The following GATA4 variants were observed in gnomAD, a reference collection of about 807,000 sequenced individuals.
GATA4 encodes GATA binding protein 4.
In GATA4, 7 loss-of-function variants were observed where a neutral mutation model predicts 37.9. That is an observed-to-expected ratio of 0.18 (90% CI 0.11 to 0.35). GATA4 has a LOEUF of 0.35. Among genes scored for constraint, GATA4 ranks in the 10% least tolerant of loss-of-function variants. The pLI is 1.00. For synonymous variants in GATA4, 372 were observed against 292.6 expected (o/e 1.27, Z -2.77); for missense variants, 647 against 653.0 (o/e 0.99, Z 0.10).
At chr8:11,745,714 G>A (rs911471742) in intron 2 of GATA4, among the ~76,000 whole-genome samples, 1 of 152,206 alleles carries the variant, frequency 6.6e-6, no homozygotes, top group Non-Finnish European at 1.5e-5. Flanking sequence ...CACATTATGA[G>A]ATGTTTTTCA....
chr8:11,681,534 G>A (rs1029518583), intron 1 of GATA4: 15 of 883,612 alleles, frequency 1.7e-5, no homozygotes, highest in Non-Finnish European at 1.9e-5. Flanking sequence ...CTCGGGAACG[G>A]CTGCTGTTGT....
At chr8:11,710,960 A>T (rs1235074646) in intron 2 of GATA4, among the ~76,000 whole-genome samples, 1 of 151,812 alleles carries the variant, frequency 6.6e-6, no homozygotes, top group Non-Finnish European at 1.5e-5. Context: ...AAAATACAAA[A>T]ATTAGCTGGG....
intron 1 of GATA4, chr8:11,681,532 C>G (rs947765102): frequency 1.1e-6 from 1 of 892,236 alleles, no homozygotes; most frequent in Middle Eastern, 5.8e-4. Context: ...CTCTCGGGAA[C>G]GGCTGCTGTT....
At position 11,708,919 on chromosome 8, in the gene GATA4, C is replaced by T; in HGVS notation, c.607C>T (p.Pro203Ser). The change falls in exon 2 of 7, where the codon CCC becomes TCC. Residue 203 changes from proline to serine, a missense_variant. Pro to Ser is a moderately conservative substitution (Grantham distance 74). Coordinates refer to ENST00000532059, the MANE Select transcript of GATA4 (RefSeq NM_001308093.3). This position sits in a 1 kb window ranked among gnomAD's most constrained non-coding sequence, Gnocchi z 6.7. ...CCGGGCCAACCCGGCCGCCCGACAC[C>T]CCAATCTCGGTGAGTAGGAGCGCGA... ...PGRANPAARH[P>S]NLVDMFDDFS... The T allele has an allele frequency of 1.3e-6, 2 of 1,527,560 alleles. No homozygotes were observed. Among genetic ancestry groups the T allele is most frequent in the Non-Finnish European group, 1.7e-6 (2 of 1,143,580 alleles). 94.6% of individuals were successfully genotyped at this position (1,527,560 alleles called of 1,614,324 possible).
chr8:11,724,410 A>C (rs183891960), intron 2 of GATA4, among the ~76,000 whole-genome samples: 2 of 152,188 alleles, frequency 1.3e-5, no homozygotes, highest in Non-Finnish European at 2.9e-5. Context: ...AGACTGCACC[A>C]TTTTATATCC....
intron 2 of GATA4, among the ~76,000 whole-genome samples, chr8:11,732,321 A>G (rs930161592): frequency 6.6e-6 from 1 of 152,208 alleles, no homozygotes; most frequent in East Asian, 1.9e-4. Flanking sequence ...TCATCGAACT[A>G]TTCTCCAGGG....
At chr8:11,701,737 A>G (rs889714435), upstream of GATA4, among the ~76,000 whole-genome samples, 8 of 152,174 alleles carry the variant, frequency 5.3e-5, 1 homozygote, top group Admixed American at 4.6e-4. Context: ...CACAAGAAAC[A>G]TAATTTTCTC....
intron 1 of GATA4, among the ~76,000 whole-genome samples, chr8:11,706,575 AT>A (rs1479597302): frequency 1.3e-5 from 2 of 152,246 alleles, no homozygotes; most frequent in Non-Finnish European, 2.9e-5. Flanking sequence ...AGGCTAAGTA[AT>A]TTGTCTAAAG....
At chr8:11,717,731 G>A (rs542664684) in intron 2 of GATA4, among the ~76,000 whole-genome samples, 8 of 152,232 alleles carry the variant, frequency 5.3e-5, no homozygotes, top group African/African-American at 1.4e-4. Flanking sequence ...CTGAGTTTCC[G>A]TTTGCTTCCC....
At chr8:11,739,725 G>A (rs182874807) in intron 2 of GATA4, among the ~76,000 whole-genome samples, 1 of 146,960 alleles carries the variant, frequency 6.8e-6, no homozygotes, top group East Asian at 1.9e-4. Context: ...CGATGGCTCT[G>A]TGTGCAGAGC....
At chr8:11,683,137 G>T (rs1456936652) in intron 1 of GATA4, 1 of 985,106 alleles carries the variant, frequency 1.0e-6, no homozygotes, top group Non-Finnish European at 1.2e-6. Context: ...ACTGGGGTTT[G>T]CTCCAGCAGA....
rs1799994543 is a variant in GATA4, at chr8:11,708,395, ACGG to A, written c.86_88del (p.Gly29del). ...GCGGGCGGCCCCGGCGCCTTCATGCACGGCGCGGGCGCCGCGTCCTCGCCAGTC... is the reference window on the plus strand; with the variant it reads ...GCGGGCGGCCCCGGCGCCTTCATGCACGCGGGCGCCGCGTCCTCGCCAGTC... On this transcript the variant is annotated inframe_deletion, in exon 2 of 7. Coordinates refer to ENST00000532059, the MANE Select transcript of GATA4 (RefSeq NM_001308093.3). The surrounding 1 kb of genome is among the most constrained non-coding windows in gnomAD (Gnocchi z 6.7). 2.6e-6 allele frequency: 4 copies of A among 1,544,752 alleles called. No individual in the cohort carries two copies. The Admixed American group carries it at 7.7e-5, about 30-fold the overall frequency.
At chr8:11,697,501 G>A (rs967823244) in intron 1 of GATA4, 1 of 958,224 alleles carries the variant, frequency 1.0e-6, no homozygotes, top group Non-Finnish European at 1.2e-6. Flanking sequence ...CTCTCGGTGG[G>A]CACCTGCTGC....
intron 2 of GATA4, among the ~76,000 whole-genome samples, chr8:11,715,244 T>A (rs890191298): frequency 6.6e-6 from 1 of 151,846 alleles, no homozygotes; most frequent in African/African-American, 2.4e-5. Flanking sequence ...TCACAAAAAA[T>A]TTGTAACACA....
At chr8:11,747,342 T>C (rs538114194) in intron 2 of GATA4, among the ~76,000 whole-genome samples, 1 of 152,146 alleles carries the variant, frequency 6.6e-6, no homozygotes, top group Non-Finnish European at 1.5e-5. Context: ...AATCTGTCAA[T>C]TGTAACATTC....
At position 11,759,278 on chromosome 8, in the gene GATA4, C is replaced by G. The variant is rs1407962377; in HGVS notation, c.*803C>G. 6.5e-6 allele frequency: 1 copy of G among 153,422 alleles called. No homozygotes were observed. The highest frequency in any genetic ancestry group is 1.4e-5 in the Non-Finnish European group (1 of 69,034). The allele number at this position is 153,422 out of a possible 1,614,324, so 9.5% of individuals were successfully genotyped here. A position where few individuals can be genotyped will look rare whatever the true frequency, so the allele number is the denominator to read the frequency against. On this transcript the variant is annotated 3_prime_UTR_variant, in exon 7 of 7. Coordinates refer to ENST00000532059, the MANE Select transcript of GATA4 (RefSeq NM_001308093.3). Reference sequence around the variant, plus strand: ...GCACCCCCTCGAGTTCACTGCAGACCCTTCGTTCACCGTGTCACACATAGA... The same window carrying G: ...GCACCCCCTCGAGTTCACTGCAGACGCTTCGTTCACCGTGTCACACATAGA...
chr8:11,718,813 A>G (rs1800543612), intron 2 of GATA4, among the ~76,000 whole-genome samples: 1 of 152,260 alleles, frequency 6.6e-6, no homozygotes, highest in African/African-American at 2.4e-5. Flanking sequence ...ATCGATAGCA[A>G]CTGGTGAGCA....
At chr8:11,750,670 T>A (rs1400581419) in intron 4 of GATA4, among the ~76,000 whole-genome samples, 1 of 150,968 alleles carries the variant, frequency 6.6e-6, no homozygotes, top group Non-Finnish European at 1.5e-5. Flanking sequence ...TCATGACTCA[T>A]GCCTGTAATT....
At chr8:11,724,715 A>C (rs1250063387) in intron 2 of GATA4, among the ~76,000 whole-genome samples, 2 of 147,396 alleles carry the variant, frequency 1.4e-5, no homozygotes, top group East Asian at 7.9e-4. Context: ...CACATGCACA[A>C]AGAAGTGTGT....
Sources: gnomAD v4.1 joint callset for allele counts (sites outside exome capture counted in the v4.1 genomes callset) on GRCh38, gnomAD v4.1.1 for gene constraint, Gnocchi (gnomAD v3.1) non-coding constraint, MANE v1.5 for transcripts, NCBI Gene and HGNC (gene_info 2026-07-23, HGNC 2026-07-21) for gene names.